CFAP161: variants seen among roughly 807,000 people sequenced by gnomAD.
The protein encoded by CFAP161 is cilia- and flagella-associated protein 161.
Under a neutral mutation model 29.0 loss-of-function variants are expected in CFAP161, and 25 were observed. The observed-to-expected ratio is 0.86, with a 90% CI of 0.63 to 1.20. The LOEUF (loss-of-function observed/expected upper bound fraction) is 1.20, where lower values mean the gene tolerates loss of function less well. Among genes scored for constraint, CFAP161 ranks in the 50% most tolerant of loss-of-function variants. CFAP161 has a pLI of 0.00. For missense variants in CFAP161, 367 were observed against 371.9 expected (o/e 0.99, Z 0.11); for synonymous variants, 116 against 137.4 (o/e 0.84, Z 1.09).
upstream of CFAP161, among the ~76,000 whole-genome samples, chr15:81,130,860 G>A (rs1220917264): frequency 1.3e-5 from 2 of 152,110 alleles, no homozygotes; most frequent in Non-Finnish European, 1.5e-5. Flanking sequence ...GAGAGATGGG[G>A]ACATGGCTGG....
At chr15:81,112,093 G>A (rs1265460576) in intron 1 of CFAP161, among the ~76,000 whole-genome samples, 1 of 152,034 alleles carries the variant, frequency 6.6e-6, no homozygotes, top group Non-Finnish European at 1.5e-5. Flanking sequence ...ATACTTTCCC[G>A]AGAGTTACCA....
chr15:81,110,650 T>C (rs1327013564), intron 1 of CFAP161, among the ~76,000 whole-genome samples: 1 of 151,794 alleles, frequency 6.6e-6, no homozygotes, highest in African/African-American at 2.4e-5. Context: ...TAGAAGCCAG[T>C]GGAGAAAGTA....
chr15:81,105,370 C>A, intron 1 of CFAP161, among the ~76,000 whole-genome samples: 1 of 134,218 alleles, frequency 7.5e-6, no homozygotes, highest in Non-Finnish European at 1.6e-5. Flanking sequence ...TCTTTTCCTC[C>A]TTCCCTCCTT....
intron 1 of CFAP161, among the ~76,000 whole-genome samples, chr15:81,121,343 T>C (rs913790862): frequency 1.3e-5 from 2 of 152,146 alleles, no homozygotes; most frequent in African/African-American, 2.4e-5. Context: ...TATTTATAAC[T>C]TTACATTTCT....
intron 1 of CFAP161, among the ~76,000 whole-genome samples, chr15:81,109,148 G>C (rs1267402262): frequency 6.6e-6 from 1 of 152,188 alleles, no homozygotes; most frequent in Non-Finnish European, 1.5e-5. Flanking sequence ...ATGAACAGAT[G>C]TTATCATTCT....
chr15:81,146,103 G>T (rs895496743), intron 5 of CFAP161, among the ~76,000 whole-genome samples: 5 of 152,160 alleles, frequency 3.3e-5, no homozygotes, highest in Non-Finnish European at 1.5e-5. Flanking sequence ...TGATTATAGA[G>T]TGCTCTTGTT....
intron 1 of CFAP161, among the ~76,000 whole-genome samples, chr15:81,103,289 TTGTTATAA>T (rs1894324379): frequency 6.6e-6 from 1 of 152,216 alleles, no homozygotes; most frequent in African/African-American, 2.4e-5. Flanking sequence ...TTACAGGCTT[TTGTTATAA>T]TGCTGGATGT....
intron 1 of CFAP161, among the ~76,000 whole-genome samples, chr15:81,108,243 A>G (rs1434476945): frequency 6.6e-6 from 1 of 152,228 alleles, no homozygotes; most frequent in Non-Finnish European, 1.5e-5. Context: ...AAAAATAGAA[A>G]TGGACCCAAA....
chr15:81,113,090 G>C (rs1191813555), intron 1 of CFAP161, among the ~76,000 whole-genome samples: 4 of 152,104 alleles, frequency 2.6e-5, no homozygotes, highest in African/African-American at 9.7e-5. Context: ...AAAATCCCTT[G>C]CATATTTATT....
At chr15:81,134,190 G>T (rs764605965), upstream of CFAP161, 3 of 1,007,420 alleles carry the variant, frequency 3.0e-6, no homozygotes, top group African/African-American at 1.6e-5. Flanking sequence ...TCCCGCCCCA[G>T]GGCGAGGGTG....
At chr15:81,122,474 T>C (rs1894586159) in intron 1 of CFAP161, among the ~76,000 whole-genome samples, 1 of 146,894 alleles carries the variant, frequency 6.8e-6, no homozygotes, top group Admixed American at 7.0e-5. Flanking sequence ...GTGATGTTGA[T>C]TTTTTTTTCT....
rs1054985698 is a variant in CFAP161 at position 81,148,624 on chromosome 15, T to C, written c.*91T>C. ...ACAACCTTGGTCATGCCTCAAGCTA[T>C]TTTTGAATCAGATGTGGGACTCTCT... On this transcript the variant is annotated 3_prime_UTR_variant, in exon 7 of 7. Transcript: ENST00000286732. 7.8e-6 allele frequency: 10 copies of C among 1,280,464 alleles called. No individual in the cohort carries two copies. The highest frequency in any genetic ancestry group is 5.7e-4 in the Middle Eastern group (2 of 3,536). 79.3% of individuals were successfully genotyped at this position (1,280,464 alleles called of 1,614,324 possible).
At chr15:81,105,265 CTTTCTTTCTT>C (rs1219033463) in intron 1 of CFAP161, among the ~76,000 whole-genome samples, 2 of 112,978 alleles carry the variant, frequency 1.8e-5, no homozygotes, top group Admixed American at 9.4e-5. Context: ...TCCTCTTTCT[CTTTCTTTCTT>C]TTTCTTTTTT....
intron 5 of CFAP161, among the ~76,000 whole-genome samples, chr15:81,146,624 A>G (rs1895010155): frequency 6.6e-6 from 1 of 151,646 alleles, no homozygotes; most frequent in Admixed American, 6.6e-5. Context: ...ATATACAGTC[A>G]TGTGTCACTC....
At chr15:81,121,654 T>C (rs1894575034) in intron 1 of CFAP161, among the ~76,000 whole-genome samples, 1 of 152,192 alleles carries the variant, frequency 6.6e-6, no homozygotes, top group African/African-American at 2.4e-5. Context: ...CATATCAGTA[T>C]TTTAGAGATC....
chr15:81,122,257 T>C (rs2141869599), intron 1 of CFAP161, among the ~76,000 whole-genome samples: 1 of 152,304 alleles, frequency 6.6e-6, no homozygotes, highest in South Asian at 2.1e-4. Context: ...TCAAATGGTA[T>C]TTCTGTCTTT....
At chr15:81,114,323 C>A (rs1329260655) in intron 1 of CFAP161, among the ~76,000 whole-genome samples, 5 of 152,114 alleles carry the variant, frequency 3.3e-5, no homozygotes. Flanking sequence ...ATGTACATAT[C>A]TTAATTTAAA....
chr15:81,113,434 C>T (rs990658231), intron 1 of CFAP161, among the ~76,000 whole-genome samples: 7 of 152,262 alleles, frequency 4.6e-5, no homozygotes, highest in Non-Finnish European at 7.4e-5. Context: ...TAAAAGCGTT[C>T]GGTTTTACAA....
chr15:81,135,203 T>C (rs1386396916), intron 1 of CFAP161, 67 bp from the exon 2 acceptor site: 2 of 1,134,022 alleles, frequency 1.8e-6, no homozygotes, highest in Non-Finnish European at 2.5e-6. Context: ...GAAGAGCTTC[T>C]GACCTAAAAG....
Sources: allele counts gnomAD v4.1 joint callset (sites outside exome capture counted in the v4.1 genomes callset), GRCh38; gene constraint gnomAD v4.1.1; transcripts MANE v1.5; gene names NCBI Gene and HGNC (gene_info 2026-07-23, HGNC 2026-07-21).